Variants in SF3B1 observed in about 807,000 individuals in gnomAD.
SF3B1 encodes pre-mRNA processing 10.
SF3B1 carries 12 observed loss-of-function variants against 153.8 expected under a neutral mutation model. That is an observed-to-expected ratio of 0.08 (90% confidence interval 0.05 to 0.13). SF3B1 has a LOEUF of 0.13. Among genes scored for constraint, SF3B1 ranks in the 10% least tolerant of loss-of-function variants. The probability of loss-of-function intolerance (pLI) is 1.00; values close to 1 mark genes in which losing one functional copy is unlikely to be tolerated. For missense variants in SF3B1, 513 were observed against 1,606.1 expected (o/e 0.32, Z 11.63); for synonymous variants, 498 against 525.2 (o/e 0.95, Z 0.71).
At chr2:197,425,408 G>A (rs556668601) in intron 1 of SF3B1, among the ~76,000 whole-genome samples, 1 of 152,316 alleles carries the variant, frequency 6.6e-6, no homozygotes, top group South Asian at 2.1e-4. Context: ...GGAGGTTGCA[G>A]TAAGTCGAGA....
intron 5 of SF3B1, among the ~76,000 whole-genome samples, chr2:197,418,027 GGAGTTT>G (rs1449763697): frequency 9.2e-5 from 14 of 151,780 alleles, no homozygotes; most frequent in Middle Eastern, 3.4e-3. Flanking sequence ...CCTGAGGTCA[GGAGTTT>G]GAGACCAGCC....
Position 197,402,929 on chromosome 2 carries a change from T to C in SF3B1, c.1806+20A>G. On this transcript the variant is annotated intron_variant, in intron 13 of 24. Coordinates refer to ENST00000335508, the MANE Select transcript of SF3B1 (RefSeq NM_012433.4). The surrounding 1 kb of genome is among the most constrained non-coding windows in gnomAD (Gnocchi z 4.6). ...ATAAACAGATATAAATTTTCTTCTC[T>C]AGAAATTAAATGTAAATACCTTTGC... 1 of 1,609,632 alleles carries C rather than the reference T, an allele frequency of 6.2e-7. No individual in the cohort carries two copies.
At position 197,402,536 on chromosome 2, in the gene SF3B1, A is replaced by G. The variant is rs2105986395; in HGVS notation, c.2077+20T>C. ...CTCCTAAAGAAAAAAAAAAAAAGAC[A>G]AAGTTACATTACAACTTACCATGTT... On this transcript the variant is annotated intron_variant, in intron 14 of 24. Transcript: ENST00000335508. The surrounding 1 kb of genome is among the most constrained non-coding windows in gnomAD (Gnocchi z 4.6). 6.3e-7 allele frequency: 1 copy of G among 1,598,762 alleles called. No individual in the cohort carries two copies. Among genetic ancestry groups the G allele is most frequent in the Non-Finnish European group, 8.5e-7 (1 of 1,172,578 alleles).
chr2:197,434,781 G>A (rs1559283636), intron 1 of SF3B1, among the ~76,000 whole-genome samples, 191 bp downstream of exon 1: 2 of 152,264 alleles, frequency 1.3e-5, no homozygotes, highest in Non-Finnish European at 2.9e-5. Context: ...CGCCTGTCGG[G>A]GGTGTAAGAG....
intron 11 of SF3B1, 76 bp downstream of exon 11, chr2:197,405,000 C>A (rs1007398161): frequency 7.9e-6 from 8 of 1,018,654 alleles, no homozygotes; most frequent in Non-Finnish European, 1.1e-5. Context: ...AAAACCCTGT[C>A]TCTACAAAAA....
At chr2:197,433,907 C>G (rs763040825) in intron 1 of SF3B1, among the ~76,000 whole-genome samples, 3 of 152,200 alleles carry the variant, frequency 2.0e-5, no homozygotes, top group Non-Finnish European at 4.4e-5. Context: ...AGTGAAACAA[C>G]CCTAAACATA....
chr2:197,422,822 G>A (rs907837139), intron 2 of SF3B1, among the ~76,000 whole-genome samples: 1 of 151,854 alleles, frequency 6.6e-6, no homozygotes, highest in Non-Finnish European at 1.5e-5. Flanking sequence ...CCCTGGAGGC[G>A]GAGCATGCAG....
Position 197,403,675 on chromosome 2 carries a change from T to C in SF3B1, c.1629A>G (p.Thr543=). 6.2e-7 allele frequency: 1 copy of C among 1,600,180 alleles called. No individual in the cohort carries two copies. The highest frequency in any genetic ancestry group is 8.5e-7 in the Non-Finnish European group (1 of 1,175,870). ...GTAAATGACGCTCTTGATCCTCAAG[T>C]GTAGGAGACATCAGCAGAGGAAGAA... ...NQILPLLMSP[T]LEDQERHLLV... Residue 543 remains threonine, a synonymous_variant, in exon 12 of 25, where the codon ACA becomes ACG. Transcript: ENST00000335508.
rs752155174 is a variant in SF3B1, at chr2:197,405,477, TA to T, written c.1240-6del. ...ACCAGCTGGAGGAGGAAGTACCTAA[TA>T]AAAGTTATAAGACAGTTTAGGATTT... On this transcript the variant is annotated splice_polypyrimidine_tract_variant and splice_region_variant and intron_variant, in intron 9 of 24. Transcript: ENST00000335508. 8.1e-6 allele frequency: 13 copies of T among 1,596,348 alleles called. No individual in the cohort carries two copies. Among genetic ancestry groups the T allele is most frequent in the South Asian group, 1.1e-5 (1 of 89,510 alleles).
intron 9 of SF3B1, 96 bp from the exon 10 acceptor site, chr2:197,405,568 A>T: frequency 1.2e-6 from 1 of 850,222 alleles, no homozygotes; most frequent in South Asian, 1.7e-5. Context: ...TTATTAGCTA[A>T]TAAGGTTTTT....
In SF3B1 at chr2:197,401,676, C is replaced by A. The variant is rs1040746127; in HGVS notation, c.2370+66G>T. On this transcript the variant is annotated intron_variant, in intron 16 of 24. Transcript: ENST00000335508. This position sits in a 1 kb window ranked among gnomAD's most constrained non-coding sequence, Gnocchi z 4.2. Reference sequence around the variant, plus strand: ...AGTTTTTTTTGTTGATTTTTAAAAACACTTTAAAATTCTGTTAGAACCATG... The same window carrying A: ...AGTTTTTTTTGTTGATTTTTAAAAAAACTTTAAAATTCTGTTAGAACCATG... 10 of 1,520,272 alleles carry A rather than the reference C, an allele frequency of 6.6e-6. No homozygotes were observed. In the African/African-American group the frequency reaches 1.4e-4, roughly 21 times the overall value. 94.2% of individuals were successfully genotyped at this position (1,520,272 alleles called of 1,614,324 possible). A position where few individuals can be genotyped will look rare whatever the true frequency, so the allele number is the denominator to read the frequency against.
intron 7 of SF3B1, among the ~76,000 whole-genome samples, chr2:197,409,326 G>C (rs534173492): frequency 1.2e-4 from 19 of 152,238 alleles, no homozygotes; most frequent in African/African-American, 4.3e-4. Flanking sequence ...CCTGAATCCG[G>C]GAGGTGGAGG....
rs1025998584 is a variant in SF3B1, at chr2:197,401,963, A to G, written c.2223+22T>C. ...GCCTTAACTTTAATGAAGATAAATCAAAAGGTAATTGGTGGATTTACCTTT... is the reference window on the plus strand; with the variant it reads ...GCCTTAACTTTAATGAAGATAAATCGAAAGGTAATTGGTGGATTTACCTTT... On this transcript the variant is annotated intron_variant, in intron 15 of 24. Coordinates refer to ENST00000335508, the MANE Select transcript of SF3B1 (RefSeq NM_012433.4). This position sits in a 1 kb window ranked among gnomAD's most constrained non-coding sequence, Gnocchi z 4.2. The G allele has an allele frequency of 6.2e-7, 1 of 1,605,896 alleles. No individual in the cohort carries two copies. Among genetic ancestry groups the G allele is most frequent in the Non-Finnish European group, 8.5e-7 (1 of 1,177,610 alleles).
intron 8 of SF3B1, 78 bp downstream of exon 8, chr2:197,408,290 AG>A: frequency 7.2e-7 from 1 of 1,397,110 alleles, no homozygotes; most frequent in Non-Finnish European, 9.9e-7. Flanking sequence ...TGACATTAAT[AG>A]TACACAGAAT....
chr2:197,391,899 C>A lies in SF3B1; in HGVS notation c.*404G>T. Reference sequence around the variant, plus strand: ...CCATGTGACAGAAAATGAAATTAAGCCACTTATTCCACATAAACCAATACT... The same window carrying A: ...CCATGTGACAGAAAATGAAATTAAGACACTTATTCCACATAAACCAATACT... On this transcript the variant is annotated 3_prime_UTR_variant, in exon 25 of 25. Coordinates refer to ENST00000335508, the MANE Select transcript of SF3B1 (RefSeq NM_012433.4). The A allele has an allele frequency of 5.7e-6, 1 of 175,494 alleles. No individual in the cohort carries two copies. The highest frequency in any genetic ancestry group is 2.4e-5 in the African/African-American group (1 of 42,390). 10.9% of individuals were successfully genotyped at this position (175,494 alleles called of 1,614,324 possible).
Position 197,408,427 on chromosome 2 carries a change from C to G in SF3B1, c.1059G>C (p.Leu353=), listed in dbSNP as rs2105994312. 6.2e-7 allele frequency: 1 copy of G among 1,614,114 alleles called. No individual in the cohort carries two copies. Among genetic ancestry groups the G allele is most frequent in the Non-Finnish European group, 8.5e-7 (1 of 1,180,032 alleles). The change falls in exon 8 of 25, where the codon CTG becomes CTC. Residue 353 remains leucine, a synonymous_variant. Coordinates refer to ENST00000335508, the MANE Select transcript of SF3B1 (RefSeq NM_012433.4). ...TGCCAATTGGTGTCTTTCCAGGGGT[C>G]AGAACTGGAGTGCTTCCACCCATCT... ...ASQMGGSTPV[L]TPGKTPIGTP... is the part of the protein sequence containing the mutation.
In SF3B1 at chr2:197,401,928, G is replaced by C. The variant is rs372084671; in HGVS notation, c.2224-40C>G. 1.4e-4 allele frequency: 222 copies of C among 1,591,660 alleles called. 2 individuals are homozygous for C. The highest frequency in any genetic ancestry group is 2.5e-4 in the South Asian group (22 of 86,426). ...AAAATATATGTACTTTAGTAATTTA[G>C]ATTTATGTCGCCTTAACTTTAATGA... On this transcript the variant is annotated intron_variant, in intron 15 of 24. Coordinates refer to ENST00000335508, the MANE Select transcript of SF3B1 (RefSeq NM_012433.4). This position sits in a 1 kb window ranked among gnomAD's most constrained non-coding sequence, Gnocchi z 4.2.
chr2:197,393,669 T>G (rs1167918321), intron 23 of SF3B1, among the ~76,000 whole-genome samples: 1 of 151,958 alleles, frequency 6.6e-6, no homozygotes, highest in African/African-American at 2.4e-5. Flanking sequence ...GCCAGGATGG[T>G]CTCGATCTCT....
At chr2:197,422,999 A>T (rs2085273039) in intron 2 of SF3B1, among the ~76,000 whole-genome samples, 1 of 152,228 alleles carries the variant, frequency 6.6e-6, no homozygotes, top group Admixed American at 6.5e-5. Flanking sequence ...GGAATACATA[A>T]AAAATGCTTT....
Sources: gnomAD v4.1 joint callset for allele counts (sites outside exome capture counted in the v4.1 genomes callset) on GRCh38, gnomAD v4.1.1 for gene constraint, Gnocchi (gnomAD v3.1) non-coding constraint, MANE v1.5 for transcripts, NCBI Gene and HGNC (gene_info 2026-07-23, HGNC 2026-07-21) for gene names.